Variants in SORCS2 observed in about 807,000 individuals in gnomAD.
The protein encoded by SORCS2 is VPS10 domain-containing receptor SorCS2.
Under a neutral mutation model 141.6 loss-of-function variants are expected in SORCS2, and 100 were observed. That is an observed-to-expected ratio of 0.71 (90% CI 0.60 to 0.83). The LOEUF is 0.83. Ranked by LOEUF, SORCS2 falls within the 40% of genes least tolerant of loss-of-function variation. The probability of loss-of-function intolerance (pLI) is 0.00; values close to 1 mark genes in which losing one functional copy is unlikely to be tolerated. For missense variants in SORCS2, 1,646 were observed against 1,560.2 expected (o/e 1.05, Z -0.93); for synonymous variants, 789 against 676.9 (o/e 1.17, Z -2.57).
intron 19 of SORCS2, 71 bp downstream of exon 19, chr4:7,723,954 A>T (rs1726783631): frequency 4.1e-6 from 6 of 1,463,612 alleles, no homozygotes; most frequent in Non-Finnish European, 5.4e-6. Context: ...TGGGGGAAAC[A>T]CAGGGAAGCC....
Position 7,594,178 on chromosome 4 carries a change from C to T in SORCS2, c.649-44150C>T, listed in dbSNP as rs1313327069. ...CAGGGCGAGAGCTGGTACTCTGCCC[C>T]CTGCTGCCTCGGGAAGTGCTCTGGC... On this transcript the variant is annotated intron_variant, in intron 3 of 26. Coordinates refer to ENST00000507866, the MANE Select transcript of SORCS2 (RefSeq NM_020777.3). 2.6e-5 allele frequency among the ~76,000 whole-genome samples: 4 copies of T among 152,298 alleles called. No individual in the cohort carries two copies. In the East Asian group the frequency reaches 7.7e-4, roughly 29 times the overall value.
At chr4:7,553,955 C>T (rs1713915416) in intron 3 of SORCS2, among the ~76,000 whole-genome samples, 1 of 152,106 alleles carries the variant, frequency 6.6e-6, no homozygotes, top group Non-Finnish European at 1.5e-5. Flanking sequence ...TAGTTAAATC[C>T]AATTAGGAGG....
chr4:7,380,402 C>T lies in SORCS2; in HGVS notation c.481-15886C>T, dbSNP rs116510911. Among the ~76,000 whole-genome samples, 205 of 152,342 alleles carry T rather than the reference C, an allele frequency of 1.3e-3. 2 individuals are homozygous for T. Among genetic ancestry groups the T allele is most frequent in the African/African-American group, 4.7e-3 (195 of 41,572 alleles). Reference sequence around the variant, plus strand: ...TGTTGGAATTGCACTGGACAGGTAGCGAGCTCCCCGTCACCGGACTCCTGG... The same window carrying T: ...TGTTGGAATTGCACTGGACAGGTAGTGAGCTCCCCGTCACCGGACTCCTGG... On this transcript the variant is annotated intron_variant, in intron 1 of 26. Transcript: ENST00000507866.
intron 1 of SORCS2, among the ~76,000 whole-genome samples, chr4:7,344,628 G>T (rs1229860062): frequency 6.6e-6 from 1 of 152,196 alleles, no homozygotes; most frequent in African/African-American, 2.4e-5. Flanking sequence ...GCAGAGAGTG[G>T]ACACTGAGGT....
chr4:7,482,971 G>T (rs1730744888), intron 2 of SORCS2, among the ~76,000 whole-genome samples: 1 of 152,218 alleles, frequency 6.6e-6, no homozygotes, highest in African/African-American at 2.4e-5. Flanking sequence ...ATGGAATTAA[G>T]GGCAGGTCCT....
At chr4:7,642,815 C>T (rs1393359145) in intron 4 of SORCS2, among the ~76,000 whole-genome samples, 1 of 152,184 alleles carries the variant, frequency 6.6e-6, no homozygotes, top group Non-Finnish European at 1.5e-5. Context: ...CCATACGACT[C>T]TTATGCTGAG....
intron 14 of SORCS2, among the ~76,000 whole-genome samples, chr4:7,705,358 A>AT (rs1256924918): frequency 2.0e-5 from 3 of 152,202 alleles, no homozygotes; most frequent in Non-Finnish European, 2.9e-5. Context: ...CATGTGAGCA[A>AT]TGCTTCAGGG....
chr4:7,515,234 G>A (rs1732899551), intron 2 of SORCS2, among the ~76,000 whole-genome samples: 1 of 152,200 alleles, frequency 6.6e-6, no homozygotes, highest in African/African-American at 2.4e-5. Flanking sequence ...CCAGCTCAAG[G>A]TCACACAGCT....
Position 7,513,468 on chromosome 4 carries a change from T to A in SORCS2, c.549-18062T>A, listed in dbSNP as rs543142066. Among the ~76,000 whole-genome samples the A allele has an allele frequency of 3.3e-5, 5 of 152,336 alleles. No individual in the cohort carries two copies. In the South Asian group the frequency reaches 1.0e-3, roughly 32 times the overall value. On this transcript the variant is annotated intron_variant, in intron 2 of 26. Transcript: ENST00000507866. ...TTCACCTGCAGCCCAGCCAGGACAC[T>A]TGGCTCCTAAGCCAGGCCAGAGCCG...
chr4:7,229,295 A>G lies in SORCS2; in HGVS notation c.480+36169A>G, dbSNP rs144070270. 1.9e-3 allele frequency among the ~76,000 whole-genome samples: 276 copies of G among 148,498 alleles called. 1 individual carries two copies. The highest frequency in any genetic ancestry group is 6.1e-3 in the African/African-American group (246 of 40,050). ...AGCTTTCCAACTCTGCCATGCCATG[A>G]CCCCCTAAAGAATGTCCCTGCCACC... On this transcript the variant is annotated intron_variant, in intron 1 of 26. Coordinates refer to ENST00000507866, the MANE Select transcript of SORCS2 (RefSeq NM_020777.3).
At chr4:7,397,276 G>A (rs1724276160) in intron 2 of SORCS2, among the ~76,000 whole-genome samples, 1 of 152,104 alleles carries the variant, frequency 6.6e-6, no homozygotes, top group Admixed American at 6.5e-5. Flanking sequence ...CAATGCTCTG[G>A]GAAGTTGTTG....
intron 2 of SORCS2, among the ~76,000 whole-genome samples, chr4:7,461,765 C>G (rs1040423024): frequency 6.6e-6 from 1 of 152,072 alleles, no homozygotes; most frequent in Non-Finnish European, 1.5e-5. Flanking sequence ...CCTCTGACCC[C>G]TTCTTAGCTC....
chr4:7,706,530 T>C (rs79641096), intron 14 of SORCS2, among the ~76,000 whole-genome samples: 7,565 of 63,088 alleles, frequency 0.12, 1 homozygote, highest in East Asian at 0.39. Context: ...CTGGGCTCTG[T>C]CTGGGCAGGG....
At chr4:7,465,190 C>T (rs1226458583) in intron 2 of SORCS2, among the ~76,000 whole-genome samples, 6 of 152,326 alleles carry the variant, frequency 3.9e-5, no homozygotes, top group East Asian at 3.9e-4. Flanking sequence ...CAGGCAGCCC[C>T]GAGCAGGAGG....
intron 2 of SORCS2, among the ~76,000 whole-genome samples, chr4:7,455,378 T>C (rs1728826322): frequency 8.8e-6 from 1 of 113,100 alleles, no homozygotes. Context: ...TCAGGAGCTG[T>C]GTGTTGGGGT....
intron 1 of SORCS2, among the ~76,000 whole-genome samples, chr4:7,333,822 G>C (rs573912733): frequency 6.6e-6 from 1 of 152,208 alleles, no homozygotes; most frequent in Non-Finnish European, 1.5e-5. Context: ...TTGCCTCGCT[G>C]AGCTGGGCTG....
At chr4:7,209,769 C>T (rs1247311533) in intron 1 of SORCS2, among the ~76,000 whole-genome samples, 1 of 152,130 alleles carries the variant, frequency 6.6e-6, no homozygotes, top group East Asian at 1.9e-4. Context: ...CAGGCAGAAC[C>T]TACCGACCAA....
In SORCS2 at chr4:7,618,504, C is replaced by T. The variant is rs569622425; in HGVS notation, c.649-19824C>T. On this transcript the variant is annotated intron_variant, in intron 3 of 26. Transcript: ENST00000507866. ...GCAATCAGACTCCTCACGAGGCTCC[C>T]GGGCCCGCACTCTGCCTGCCTCTCC... 4.3e-4 allele frequency among the ~76,000 whole-genome samples: 65 copies of T among 152,298 alleles called. No homozygotes were observed. In the South Asian group the frequency reaches 9.3e-3, roughly 22 times the overall value.
intron 1 of SORCS2, among the ~76,000 whole-genome samples, chr4:7,356,429 A>G (rs1487937225): frequency 6.6e-6 from 1 of 152,086 alleles, no homozygotes. Context: ...TGGCTTGCCG[A>G]TGGCTATCTT....
Sources: allele counts gnomAD v4.1 joint callset (sites outside exome capture counted in the v4.1 genomes callset), GRCh38; gene constraint gnomAD v4.1.1; transcripts MANE v1.5; gene names NCBI Gene and HGNC (gene_info 2026-07-23, HGNC 2026-07-21).